NEBL: variants seen among roughly 807,000 people sequenced by gnomAD.
NEBL encodes LIM and SH3 protein 2.
In NEBL, 122 loss-of-function variants were observed where a neutral mutation model predicts 140.2. The ratio of observed to expected loss-of-function variants is 0.87; its 90% CI spans 0.75 to 1.01. NEBL has a LOEUF of 1.01. NEBL is among the 50% of genes least tolerant of loss of function. The pLI is 0.00. For missense variants in NEBL, 1,365 were observed against 1,231.3 expected (o/e 1.11, Z -1.62); for synonymous variants, 436 against 398.9 (o/e 1.09, Z -1.11).
chr10:21,210,304 G>A (rs1001403747), intron 3 of NEBL, among the ~76,000 whole-genome samples: 1 of 152,110 alleles, frequency 6.6e-6, no homozygotes, highest in Non-Finnish European at 1.5e-5. Flanking sequence ...TGAGGCAGGT[G>A]AATCACTTGA....
At chr10:20,831,162 T>C (rs766559848) in intron 16 of NEBL, 34 bp downstream of exon 16, 3 of 1,402,080 alleles carry the variant, frequency 2.1e-6, no homozygotes, top group Admixed American at 3.4e-5. Context: ...GACATTGGAA[T>C]ACACGATTCT....
At chr10:20,858,617 T>C (rs1386963545) in intron 8 of NEBL, among the ~76,000 whole-genome samples, 2 of 152,196 alleles carry the variant, frequency 1.3e-5, no homozygotes, top group African/African-American at 4.8e-5. Context: ...TCACAGTAAC[T>C]CTGCTTTCAA....
chr10:21,243,662 T>G (rs60817094), intron 3 of NEBL, among the ~76,000 whole-genome samples: 5,424 of 152,170 alleles, frequency 0.036, 151 homozygotes, highest in South Asian at 0.11. Flanking sequence ...TCTTTAAAAA[T>G]TTCAGTAACT....
chr10:21,156,768 T>TAAATTCTG (rs1472665093), intron 2 of NEBL, among the ~76,000 whole-genome samples: 1 of 152,164 alleles, frequency 6.6e-6, no homozygotes, highest in African/African-American at 2.4e-5. Context: ...AATTAATAAT[T>TAAATTCTG]AAATTCTGAA....
chr10:20,787,297 G>A lies in NEBL; in HGVS notation c.2773C>T (p.Pro925Ser), dbSNP rs1173275877. The change falls in exon 27 of 28, where the codon CCC (proline) becomes TCC (serine). Residue 925 changes from proline (P) to serine (S), a missense_variant. This residue lies in a region of NEBL where 1,323 missense variants were observed against 1,154.8 expected (regional missense o/e 1.15). Transcript: ENST00000377122. ...GAATGGCTTTGCTGATAGGCTCCGG[G>A]AAGAACAGGTGCTGCATGTTAAACA... ...RPSDEGAPVL[P>S]GAYQQSHSQG... 1 of 1,612,560 alleles carries A rather than the reference G, an allele frequency of 6.2e-7. No individual in the cohort carries two copies. Among genetic ancestry groups the A allele is most frequent in the East Asian group, 2.2e-5 (1 of 44,834 alleles).
At chr10:21,271,745 T>G (rs1252755952) in intron 1 of NEBL, among the ~76,000 whole-genome samples, 1 of 151,496 alleles carries the variant, frequency 6.6e-6, no homozygotes, top group African/African-American at 2.4e-5. Flanking sequence ...AGGCTGGTCT[T>G]GAGCTCCTCG....
intron 3 of NEBL, among the ~76,000 whole-genome samples, chr10:20,889,304 T>C (rs913690110): frequency 5.9e-5 from 9 of 152,220 alleles, no homozygotes; most frequent in African/African-American, 1.7e-4. Flanking sequence ...CTACATAATT[T>C]TTCAGCTGGA....
intron 3 of NEBL, among the ~76,000 whole-genome samples, chr10:21,241,281 T>TAA (rs1554834607): frequency 6.1e-4 from 91 of 148,910 alleles, no homozygotes; most frequent in African/African-American, 2.2e-3. Context: ...AATAAATAAA[T>TAA]AAATAAAAAT....
At chr10:21,064,063 C>A (rs1042275768) in intron 2 of NEBL, among the ~76,000 whole-genome samples, 3 of 152,004 alleles carry the variant, frequency 2.0e-5, no homozygotes, top group Non-Finnish European at 2.9e-5. Context: ...CAGAGGGAGA[C>A]CCTGTCTCAG....
chr10:21,129,801 C>T (rs1444886141), intron 2 of NEBL, among the ~76,000 whole-genome samples: 6 of 151,370 alleles, frequency 4.0e-5, no homozygotes, highest in African/African-American at 9.7e-5. Context: ...CAATTAAAAC[C>T]GTAAAAATTA....
intron 3 of NEBL, among the ~76,000 whole-genome samples, chr10:21,186,408 G>A (rs79574774): frequency 0.032 from 4,838 of 152,064 alleles, 229 homozygotes; most frequent in African/African-American, 0.1. Context: ...GTATACGTGT[G>A]TATACAGTTG....
chr10:21,238,309 T>G (rs1224767075), intron 3 of NEBL, among the ~76,000 whole-genome samples: 1 of 152,104 alleles, frequency 6.6e-6, no homozygotes, highest in Non-Finnish European at 1.5e-5. Flanking sequence ...AATGTCCAGG[T>G]GAATGTCTAA....
At chr10:21,053,514 A>C (rs551080975) in intron 2 of NEBL, among the ~76,000 whole-genome samples, 3 of 152,356 alleles carry the variant, frequency 2.0e-5, no homozygotes, top group African/African-American at 7.2e-5. Context: ...AATGAGCATC[A>C]GTAGTTAAGG....
chr10:21,201,904 A>G (rs140815884), intron 3 of NEBL, among the ~76,000 whole-genome samples: 37 of 152,316 alleles, frequency 2.4e-4, no homozygotes, highest in African/African-American at 7.9e-4. Context: ...AATAAACTCT[A>G]TCAGATTTCT....
At chr10:20,813,728 C>T in intron 23 of NEBL, 1 of 558,972 alleles carries the variant, frequency 1.8e-6, no homozygotes, top group Non-Finnish European at 3.2e-6. Context: ...AATAAAGACA[C>T]ACCAGAAAAA....
At chr10:20,934,833 C>T (rs1834391728) in intron 4 of NEBL, among the ~76,000 whole-genome samples, 1 of 152,162 alleles carries the variant, frequency 6.6e-6, no homozygotes, top group Non-Finnish European at 1.5e-5. Flanking sequence ...ACATAAAATG[C>T]ACCTACTATT....
chr10:21,097,981 G>A (rs1019098919), intron 2 of NEBL, among the ~76,000 whole-genome samples: 4 of 152,268 alleles, frequency 2.6e-5, no homozygotes, highest in African/African-American at 7.2e-5. Context: ...ATGAACATTC[G>A]TAATAATCTC....
intron 2 of NEBL, among the ~76,000 whole-genome samples, chr10:21,166,412 T>G (rs965434867): frequency 1.3e-5 from 2 of 152,194 alleles, no homozygotes; most frequent in African/African-American, 4.8e-5. Flanking sequence ...TACAACTCTC[T>G]AATGGGTAGC....
At chr10:21,081,828 G>A (rs545523623) in intron 2 of NEBL, among the ~76,000 whole-genome samples, 53 of 152,192 alleles carry the variant, frequency 3.5e-4, no homozygotes, top group Non-Finnish European at 6.8e-4. Context: ...GCTCCCATGG[G>A]CCAGGTGTGG....
Sources: gnomAD v4.1 joint callset for allele counts (sites outside exome capture counted in the v4.1 genomes callset) on GRCh38, gnomAD v4.1.1 for gene constraint, gnomAD v4.1.1 regional missense constraint, MANE v1.5 for transcripts, NCBI Gene and HGNC (gene_info 2026-07-23, HGNC 2026-07-21) for gene names.